Variants in RPRD2 observed in about 807,000 individuals in gnomAD.
RPRD2 encodes regulation of nuclear pre-mRNA domain-containing protein 2.
A neutral mutation model predicts 104.4 loss-of-function variants in RPRD2; 12 were observed. The observed-to-expected ratio is 0.11, with a 90% CI of 0.07 to 0.19. RPRD2 has a LOEUF of 0.19. Among genes scored for constraint, RPRD2 ranks in the 10% least tolerant of loss-of-function variants. The probability of loss-of-function intolerance (pLI) is 1.00; values close to 1 mark genes in which losing one functional copy is unlikely to be tolerated. For synonymous variants in RPRD2, 714 were observed against 684.9 expected (o/e 1.04, Z -0.66); for missense variants, 1,543 against 1,790.1 (o/e 0.86, Z 2.49).
intron 1 of RPRD2, among the ~76,000 whole-genome samples, chr1:150,391,057 CTA>C (rs1434084313): frequency 6.6e-6 from 1 of 152,138 alleles, no homozygotes; most frequent in Non-Finnish European, 1.5e-5. Flanking sequence ...CAGTATGAAA[CTA>C]TCACTGCACA....
At chr1:150,464,368 T>TTC (rs111843239) in intron 9 of RPRD2, among the ~76,000 whole-genome samples, 159 bp from the exon 10 acceptor site, 12,727 of 151,144 alleles carry the variant, frequency 0.084, 659 homozygotes, top group African/African-American at 0.11. Flanking sequence ...CAGGGTTTTT[T>TTC]TTTTTTTTTT....
Position 150,452,370 on chromosome 1 carries a change from G to A in RPRD2, c.871-4918G>A, listed in dbSNP as rs1202541127. On this transcript the variant is annotated intron_variant, in intron 7 of 10. Coordinates refer to ENST00000369068, the MANE Select transcript of RPRD2 (RefSeq NM_015203.5). ...CTTAATTTTGGACCACTAGCCTTCA[G>A]AGACAATAAATTTCTGTTGTTTTAA... is the stretch of plus-strand genomic sequence containing the variant. Among the ~76,000 whole-genome samples the A allele has an allele frequency of 3.3e-5, 5 of 152,106 alleles. No individual in the cohort carries two copies. In the East Asian group the frequency reaches 9.6e-4, roughly 29 times the overall value.
At chr1:150,431,591 C>T (rs1427182192) in intron 2 of RPRD2, among the ~76,000 whole-genome samples, 1 of 149,856 alleles carries the variant, frequency 6.7e-6, no homozygotes. Flanking sequence ...AGCAATTCTC[C>T]TGCCTCAGCC....
intron 2 of RPRD2, among the ~76,000 whole-genome samples, chr1:150,438,463 T>TA (rs1334347650): frequency 1.2e-4 from 18 of 150,182 alleles, no homozygotes; most frequent in African/African-American, 3.2e-4. Context: ...CCGTCCCTAC[T>TA]AAAAAAAAAT....
At chr1:150,368,107 A>G (rs1659976952) in intron 1 of RPRD2, among the ~76,000 whole-genome samples, 1 of 151,132 alleles carries the variant, frequency 6.6e-6, no homozygotes, top group Non-Finnish European at 1.5e-5. Flanking sequence ...TGCTCTGCCT[A>G]CCTCGGGCTT....
At position 150,471,838 on chromosome 1, in the gene RPRD2, G is replaced by A; in HGVS notation, c.2890G>A (p.Asp964Asn). The A allele has an allele frequency of 6.2e-7, 1 of 1,613,848 alleles. No individual in the cohort carries two copies. The highest frequency in any genetic ancestry group is 8.5e-7 in the Non-Finnish European group (1 of 1,179,886). Reference sequence around the variant, plus strand: ...CAGTTTGCCACAGAAGCAGTACCCAGACTCTCCTCACCCAGTCCCACATCG... The same window carrying A: ...CAGTTTGCCACAGAAGCAGTACCCAAACTCTCCTCACCCAGTCCCACATCG... ...HLSLPQKQYP[D>N]SPHPVPHRSL... The change falls in exon 11 of 11, where the codon GAC (aspartate) becomes AAC (asparagine). Residue 964 changes from aspartate (D) to asparagine (N), a missense_variant. By Grantham distance (23) the Asp-to-Asn change is conservative. Transcript: ENST00000369068. This position sits in a 1 kb window ranked among gnomAD's most constrained non-coding sequence, Gnocchi z 5.3.
rs1660863278 is a variant in RPRD2 at position 150,378,177 on chromosome 1, T to G, written c.205+13258T>G. ...TAACACTAATAGTTTAGTAAGAAAA[T>G]AACATTTACTGAGTTCTTATGTGAT... On this transcript the variant is annotated intron_variant, in intron 1 of 10. Transcript: ENST00000369068. 1.4e-5 allele frequency among the ~76,000 whole-genome samples: 2 copies of G among 144,298 alleles called. 1 individual carries two copies. The highest frequency in any genetic ancestry group is 5.4e-5 in the African/African-American group (2 of 37,358). 94.7% of individuals were successfully genotyped at this position (144,298 alleles called of 152,430 possible).
intron 2 of RPRD2, among the ~76,000 whole-genome samples, chr1:150,431,505 G>T (rs1300788958): frequency 1.6e-5 from 1 of 61,700 alleles, no homozygotes; most frequent in Non-Finnish European, 3.4e-5. Flanking sequence ...TTTGAGACGG[G>T]GTTTTGTCCT....
At position 150,382,519 on chromosome 1, in the gene RPRD2, C is replaced by T. The variant is rs587602984; in HGVS notation, c.205+17600C>T. The stretch of plus-strand genomic sequence containing the variant: ...GATTACAGGCACCCATCACCATGCC[C>T]GGCTAATTTTTGTATTTTTAGTAGA... On this transcript the variant is annotated intron_variant, in intron 1 of 10. Transcript: ENST00000369068. Among the ~76,000 whole-genome samples the T allele has an allele frequency of 2.9e-4, 44 of 152,016 alleles. 1 individual carries two copies. The South Asian group carries it at 7.7e-3, about 27-fold the overall frequency.
At chr1:150,367,761 C>T (rs587604745) in intron 1 of RPRD2, among the ~76,000 whole-genome samples, 26 of 151,092 alleles carry the variant, frequency 1.7e-4, no homozygotes, top group African/African-American at 6.1e-4. Flanking sequence ...CTCGCTCTGT[C>T]GTCCAGACTG....
intron 2 of RPRD2, among the ~76,000 whole-genome samples, chr1:150,427,466 C>CT (rs1341898050): frequency 7.1e-6 from 1 of 140,718 alleles, no homozygotes; most frequent in African/African-American, 2.7e-5. Flanking sequence ...GAGCGAGACT[C>CT]TATCTCAAAA....
At chr1:150,441,143 T>C in intron 3 of RPRD2, 120 bp downstream of exon 3, 1 of 527,966 alleles carries the variant, frequency 1.9e-6, no homozygotes, top group Non-Finnish European at 3.3e-6. Context: ...CTAGCCCTAT[T>C]TGTTTAAAGT....
chr1:150,384,374 G>C (rs1234813577), intron 1 of RPRD2, among the ~76,000 whole-genome samples: 11 of 151,560 alleles, frequency 7.3e-5, no homozygotes, highest in African/African-American at 2.4e-4. Context: ...GAATCAGAGA[G>C]GAGTCATAAC....
At chr1:150,423,936 G>C (rs1664938779) in intron 2 of RPRD2, among the ~76,000 whole-genome samples, 1 of 151,862 alleles carries the variant, frequency 6.6e-6, no homozygotes, top group Admixed American at 6.6e-5. Context: ...GGGATTACAG[G>C]CATGCGCCAC....
intron 1 of RPRD2, among the ~76,000 whole-genome samples, chr1:150,385,340 G>T (rs1553881634): frequency 6.6e-6 from 1 of 152,050 alleles, no homozygotes; most frequent in African/African-American, 2.4e-5. Flanking sequence ...AGTCGGGCGT[G>T]GTGGCATGTG....
rs587763067 is a variant in RPRD2 at position 150,388,029 on chromosome 1, A to G, written c.205+23110A>G. Among the ~76,000 whole-genome samples the G allele has an allele frequency of 1.5e-4, 21 of 141,668 alleles. No individual in the cohort carries two copies. In the East Asian group the frequency reaches 3.1e-3, roughly 21 times the overall value. 92.9% of individuals were successfully genotyped at this position (141,668 alleles called of 152,430 possible). A position where few individuals can be genotyped will look rare whatever the true frequency, so the allele number is the denominator to read the frequency against. ...CCTCCTAGACTTCAGCCATCCTACC[A>G]CCTCAGCCTCCTAAGTAGCTGGGAC... On this transcript the variant is annotated intron_variant, in intron 1 of 10. Coordinates refer to ENST00000369068, the MANE Select transcript of RPRD2 (RefSeq NM_015203.5).
At chr1:150,365,462 G>C (rs1313956586) in intron 1 of RPRD2, among the ~76,000 whole-genome samples, 1 of 152,158 alleles carries the variant, frequency 6.6e-6, no homozygotes, top group Non-Finnish European at 1.5e-5. Flanking sequence ...TAGATCTGAG[G>C]CACCACCGGG....
At chr1:150,388,522 C>CATAT (rs60120982) in intron 1 of RPRD2, among the ~76,000 whole-genome samples, 7 of 144,364 alleles carry the variant, frequency 4.8e-5, no homozygotes, top group African/African-American at 1.1e-4. Context: ...CACACACACA[C>CATAT]ATATATACAC....
chr1:150,473,107 G>A lies in RPRD2; in HGVS notation c.4159G>A (p.Gly1387Ser), dbSNP rs761821292. ...EHLGPPHGGG[G>S]GGGSNSSSGP... ...CCTGGGCCCACCCCATGGAGGAGGA[G>A]GTGGGGGAGGCAGCAACAGCAGCAG... is the stretch of plus-strand genomic sequence containing the variant. The change falls in exon 11 of 11, where the codon GGT (glycine) becomes AGT (serine). Residue 1387 changes from glycine to serine, a missense_variant. Coordinates refer to ENST00000369068, the MANE Select transcript of RPRD2 (RefSeq NM_015203.5). 1 of 1,614,012 alleles carries A rather than the reference G, an allele frequency of 6.2e-7. No homozygotes were observed. Among genetic ancestry groups the A allele is most frequent in the South Asian group, 1.1e-5 (1 of 91,086 alleles).
Sources: gnomAD v4.1 joint callset for allele counts (sites outside exome capture counted in the v4.1 genomes callset) on GRCh38, gnomAD v4.1.1 for gene constraint, Gnocchi (gnomAD v3.1) non-coding constraint, MANE v1.5 for transcripts, NCBI Gene and HGNC (gene_info 2026-07-23, HGNC 2026-07-21) for gene names.